DOCK10: variants seen among roughly 807,000 people sequenced by gnomAD.
DOCK10 encodes the protein dedicator of cytokinesis protein 10.
In DOCK10, 145 loss-of-function variants were observed where a neutral mutation model predicts 280.1. That is an observed-to-expected ratio of 0.52 (90% CI 0.45 to 0.59). The LOEUF is 0.59. Among genes scored for constraint, DOCK10 ranks in the 20% least tolerant of loss-of-function variants. DOCK10 has a pLI of 0.00. For missense variants in DOCK10, 2,368 were observed against 2,651.7 expected (o/e 0.89, Z 2.35); for synonymous variants, 915 against 942.2 (o/e 0.97, Z 0.53).
At chr2:224,981,866 A>T (rs886397144) in intron 1 of DOCK10, among the ~76,000 whole-genome samples, 2 of 152,222 alleles carry the variant, frequency 1.3e-5, no homozygotes, top group African/African-American at 4.8e-5. Context: ...TCTTCTTTCA[A>T]ATTATAGTTA....
chr2:224,841,743 A>G, intron 23 of DOCK10, 61 bp downstream of exon 23: 1 of 1,173,082 alleles, frequency 8.5e-7, no homozygotes, highest in South Asian at 1.3e-5. Context: ...GGAAAATGTA[A>G]AAGTCTCTTT....
chr2:225,013,717 T>C (rs76263707), intron 1 of DOCK10, among the ~76,000 whole-genome samples: 9,529 of 152,278 alleles, frequency 0.063, 361 homozygotes, highest in Middle Eastern at 0.12. Flanking sequence ...GAAGGCATCC[T>C]ACATGTGCAG....
intron 1 of DOCK10, among the ~76,000 whole-genome samples, chr2:224,945,697 T>C (rs868841649): frequency 6.6e-6 from 1 of 151,586 alleles, no homozygotes; most frequent in African/African-American, 2.4e-5. Context: ...ATATATAATA[T>C]TTTTGAAAAG....
In DOCK10 at chr2:224,793,397, T is replaced by C; in HGVS notation, c.5212+3A>G. ...TTTTGCCTCCCTCATGTGGTCATCTTACCCTTTCTTTTCAGATACTCTGCA... is the reference window on the plus strand; with the variant it reads ...TTTTGCCTCCCTCATGTGGTCATCTCACCCTTTCTTTTCAGATACTCTGCA... On this transcript the variant is annotated splice_donor_region_variant and intron_variant, in intron 46 of 55. Transcript: ENST00000258390. 6.8e-6 allele frequency: 11 copies of C among 1,612,952 alleles called. No individual in the cohort carries two copies. The highest frequency in any genetic ancestry group is 9.3e-6 in the Non-Finnish European group (11 of 1,179,244).
Position 224,811,196 on chromosome 2 carries a change from ATC to A in DOCK10, c.3410-3112_3410-3111del, listed in dbSNP as rs1429849035. On this transcript the variant is annotated intron_variant, in intron 31 of 55. Transcript: ENST00000258390. ...GCCATTCTAGCTGGTGTGAGATGAT[ATC>A]TCATTGTGGTTTTGATCTGCATTTC... Among the ~76,000 whole-genome samples, 5 of 152,312 alleles carry A rather than the reference ATC, an allele frequency of 3.3e-5. No individual in the cohort carries two copies. In the East Asian group the frequency reaches 9.6e-4, roughly 29 times the overall value.
chr2:225,028,004 T>C (rs1470510036), intron 1 of DOCK10, among the ~76,000 whole-genome samples: 2 of 152,220 alleles, frequency 1.3e-5, no homozygotes, highest in East Asian at 1.9e-4. Flanking sequence ...CGGGAAGAGT[T>C]AGTCCTTTTA....
At chr2:224,958,486 A>C (rs1575114786) in intron 1 of DOCK10, among the ~76,000 whole-genome samples, 1 of 151,954 alleles carries the variant, frequency 6.6e-6, no homozygotes, top group South Asian at 2.1e-4. Flanking sequence ...CTGCACACTC[A>C]CTCCTTCCAC....
chr2:224,844,401 A>G (rs1263778205), intron 22 of DOCK10, among the ~76,000 whole-genome samples: 1 of 152,190 alleles, frequency 6.6e-6, no homozygotes, highest in Non-Finnish European at 1.5e-5. Flanking sequence ...AAGTGCTGGG[A>G]TTACAGGAGT....
intron 18 of DOCK10, among the ~76,000 whole-genome samples, chr2:224,849,823 T>C (rs1295965921): frequency 2.0e-5 from 3 of 152,186 alleles, no homozygotes; most frequent in African/African-American, 7.2e-5. Flanking sequence ...CTTTCATTCA[T>C]CATATAGTTA....
At chr2:224,992,926 G>C (rs1706167890) in intron 1 of DOCK10, among the ~76,000 whole-genome samples, 1 of 152,250 alleles carries the variant, frequency 6.6e-6, no homozygotes, top group African/African-American at 2.4e-5. Context: ...CTTTAAGGTA[G>C]AGGTGAAGAT....
At chr2:224,804,263 A>T (rs1693228595) in intron 38 of DOCK10, 50 bp from the exon 39 acceptor site, 1 of 1,111,288 alleles carries the variant, frequency 9.0e-7, no homozygotes, top group Admixed American at 2.0e-5. Context: ...TGTAATTTAC[A>T]TATAAAAATG....
chr2:224,874,853 G>A, intron 8 of DOCK10, 102 bp from the exon 9 acceptor site: 1 of 1,012,750 alleles, frequency 9.9e-7, no homozygotes, highest in Non-Finnish European at 1.5e-6. Flanking sequence ...AGAGCTAAGA[G>A]GGACGTTGGT....
intron 2 of DOCK10, among the ~76,000 whole-genome samples, chr2:224,917,450 TA>T (rs1701402067): frequency 6.6e-6 from 1 of 152,172 alleles, no homozygotes; most frequent in African/African-American, 2.4e-5. Context: ...AGCATTATTT[TA>T]ATAATATCGT....
chr2:225,018,026 C>T (rs986011929), intron 1 of DOCK10, among the ~76,000 whole-genome samples: 4 of 152,124 alleles, frequency 2.6e-5, no homozygotes, highest in South Asian at 2.1e-4. Context: ...AATGGCAGAA[C>T]GGCCCCCTAG....
rs140955118 is a variant in DOCK10 at position 224,873,969 on chromosome 2, A to G, written c.1257+27T>C. 36 of 1,597,294 alleles carry G rather than the reference A, an allele frequency of 2.3e-5. No homozygotes were observed. In the East Asian group the frequency reaches 6.9e-4, roughly 31 times the overall value. ...GGTGGTGTAATGTTGGCTTAATGGT[A>G]TAGGATGTAACAGAGGAGAAACTTA... On this transcript the variant is annotated intron_variant, in intron 11 of 55. Transcript: ENST00000258390.
At chr2:224,918,073 T>C (rs1701435526) in intron 2 of DOCK10, among the ~76,000 whole-genome samples, 1 of 152,230 alleles carries the variant, frequency 6.6e-6, no homozygotes, top group Admixed American at 6.5e-5. Context: ...TCTTCCGAGT[T>C]CACAGACCTT....
intron 50 of DOCK10, among the ~76,000 whole-genome samples, chr2:224,778,800 G>A (rs527267199): frequency 3.9e-5 from 6 of 152,296 alleles, no homozygotes; most frequent in East Asian, 3.9e-4. Flanking sequence ...AACACTTTAT[G>A]TAGTTGTCGT....
At chr2:225,019,257 A>G (rs1689720131) in intron 1 of DOCK10, among the ~76,000 whole-genome samples, 1 of 152,068 alleles carries the variant, frequency 6.6e-6, no homozygotes, top group Non-Finnish European at 1.5e-5. Context: ...TTGAATGAGT[A>G]AAGGCTGTCA....
At chr2:224,902,984 G>C (rs1476478395) in intron 3 of DOCK10, among the ~76,000 whole-genome samples, 1 of 151,626 alleles carries the variant, frequency 6.6e-6, no homozygotes, top group Non-Finnish European at 1.5e-5. Flanking sequence ...TGTAGTCCCA[G>C]CTACTCGGGA....
Sources: allele counts gnomAD v4.1 joint callset (sites outside exome capture counted in the v4.1 genomes callset), GRCh38; gene constraint gnomAD v4.1.1; transcripts MANE v1.5; gene names NCBI Gene and HGNC (gene_info 2026-07-23, HGNC 2026-07-21).